ZNF708: variants seen among roughly 807,000 people sequenced by gnomAD.
ZNF708 encodes the protein ZNF15, ZNF15L1.
Under a neutral mutation model 47.0 loss-of-function variants are expected in ZNF708, and 44 were observed. The observed-to-expected ratio is 0.94, with a 90% CI of 0.74 to 1.20. The LOEUF (loss-of-function observed/expected upper bound fraction) is 1.20, where lower values mean the gene tolerates loss of function less well. Among genes scored for constraint, ZNF708 ranks in the 50% most tolerant of loss-of-function variants. The pLI is 0.00. For synonymous variants in ZNF708, 184 were observed against 218.5 expected, an observed-to-expected ratio of 0.84 and a Z score of 1.39; for missense variants, 557 against 656.0, an observed-to-expected ratio of 0.85 and a Z score of 1.65.
At chr19:21,307,932 C>T (rs1972818701) in intron 3 of ZNF708, among the ~76,000 whole-genome samples, 1 of 151,960 alleles carries the variant, frequency 6.6e-6, no homozygotes, top group Admixed American at 6.6e-5. Context: ...AATATAAACT[C>T]AACTTATAAG....
chr19:21,329,139 C>T (rs1973322909), intron 1 of ZNF708, 71 bp downstream of exon 1: 7 of 1,602,182 alleles, frequency 4.4e-6, no homozygotes, highest in Non-Finnish European at 6.0e-6. Flanking sequence ...GTCCTGAGTC[C>T]CGCCACAGCC....
chr19:21,298,651 C>T (rs1972593273), intron 3 of ZNF708, among the ~76,000 whole-genome samples: 2 of 148,516 alleles, frequency 1.3e-5, no homozygotes, highest in Admixed American at 6.8e-5. Context: ...CATGACAAAG[C>T]TACATAATAA....
chr19:21,324,038 G>A (rs1192791133), intron 1 of ZNF708, among the ~76,000 whole-genome samples: 1 of 151,212 alleles, frequency 6.6e-6, no homozygotes, highest in Non-Finnish European at 1.5e-5. Context: ...AGGAGATCAA[G>A]ACCATCCTGG....
rs746186649 is a variant in ZNF708 at position 21,294,026 on chromosome 19, C to T, written c.940G>A (p.Gly314Ser). 7 of 1,613,056 alleles carry T rather than the reference C, an allele frequency of 4.3e-6. No homozygotes were observed. The highest frequency in any genetic ancestry group is 5.9e-6 in the Non-Finnish European group (7 of 1,179,380). Residue 314 changes from glycine to serine, a missense_variant, in exon 4 of 4, where the codon GGC becomes AGC. Transcript: ENST00000356929. ...TGTGAAGATAGGGTAAAGGCTTTGC[C>T]ACATTCTCCACATTTGTAGGGTTTC... is the stretch of plus-strand genomic sequence containing the variant. ...GEKPYKCGEC[G>S]KAFTLSSHLT...
chr19:21,328,822 T>C (rs1010152287), intron 1 of ZNF708, among the ~76,000 whole-genome samples: 1 of 152,180 alleles, frequency 6.6e-6, no homozygotes, highest in Non-Finnish European at 1.5e-5. Context: ...AGATTTTTAA[T>C]AGGAGAAAAT....
chr19:21,309,450 G>T, intron 2 of ZNF708, 109 bp from the exon 3 acceptor site: 1 of 1,077,726 alleles, frequency 9.3e-7, no homozygotes, highest in Admixed American at 2.8e-5. Flanking sequence ...GCTCATCCTG[G>T]TAATCCCAGC....
chr19:21,317,509 T>G (rs1973040607), intron 1 of ZNF708, among the ~76,000 whole-genome samples: 1 of 152,234 alleles, frequency 6.6e-6, no homozygotes, highest in Admixed American at 6.5e-5. Flanking sequence ...TAAAGCTTGG[T>G]TGACACCTTA....
chr19:21,297,233 A>T (rs1200425539), intron 3 of ZNF708, among the ~76,000 whole-genome samples: 2 of 98,826 alleles, frequency 2.0e-5, no homozygotes, highest in Non-Finnish European at 4.1e-5. Flanking sequence ...GAATTTTTGT[A>T]TGCAAATAAG....
intron 3 of ZNF708, among the ~76,000 whole-genome samples, chr19:21,295,622 G>GT (rs1972512893): frequency 6.6e-6 from 1 of 152,112 alleles, no homozygotes; most frequent in Non-Finnish European, 1.5e-5. Context: ...GCACATGCCT[G>GT]TAATCCCAGC....
At chr19:21,296,334 C>T (rs1972525911) in intron 3 of ZNF708, among the ~76,000 whole-genome samples, 1 of 151,908 alleles carries the variant, frequency 6.6e-6, no homozygotes, top group African/African-American at 2.4e-5. Flanking sequence ...AACCCCGTTT[C>T]TACTAAAAAT....
chr19:21,320,884 G>C (rs1484712132), intron 1 of ZNF708, among the ~76,000 whole-genome samples: 1 of 151,994 alleles, frequency 6.6e-6, no homozygotes, highest in East Asian at 1.9e-4. Context: ...GCTCACGCCT[G>C]TAATCCCAGC....
At chr19:21,304,483 T>C (rs574246970) in intron 3 of ZNF708, among the ~76,000 whole-genome samples, 1 of 152,258 alleles carries the variant, frequency 6.6e-6, no homozygotes, top group Non-Finnish European at 1.5e-5. Context: ...TATCACCAAC[T>C]AGGCTTAACA....
At chr19:21,302,722 A>T (rs1050545901) in intron 3 of ZNF708, among the ~76,000 whole-genome samples, 5 of 151,968 alleles carry the variant, frequency 3.3e-5, no homozygotes, top group Admixed American at 2.0e-4. Flanking sequence ...AAAATATATT[A>T]TTTTCATATT....
intron 3 of ZNF708, among the ~76,000 whole-genome samples, chr19:21,301,825 T>G (rs1280475362): frequency 7.7e-6 from 1 of 129,246 alleles, no homozygotes; most frequent in Non-Finnish European, 1.6e-5. Context: ...CTAAGAACTT[T>G]CCAAATGTTG....
At position 21,293,783 on chromosome 19, in the gene ZNF708, C is replaced by T; in HGVS notation, c.1183G>A (p.Glu395Lys). The T allele has an allele frequency of 3.7e-6, 6 of 1,612,632 alleles. No individual in the cohort carries two copies. The highest frequency in any genetic ancestry group is 1.1e-5 in the South Asian group (1 of 91,008). ...IHTGEKPYKC[E>K]ECGKAFTKSS... ...TTGGTAAAGGCTTTACCACATTCTTCACATTTGTAGGGTTTCTCTCCAGTA... is the reference window on the plus strand; with the variant it reads ...TTGGTAAAGGCTTTACCACATTCTTTACATTTGTAGGGTTTCTCTCCAGTA... Residue 395 changes from glutamate to lysine, a missense_variant, in exon 4 of 4, where the codon GAA becomes AAA. By Grantham distance (56) the Glu-to-Lys change is moderately conservative. Coordinates refer to ENST00000356929, the MANE Select transcript of ZNF708 (RefSeq NM_021269.3).
chr19:21,297,979 GTGTGTGTGTGTGTA>G (rs1230728192), intron 3 of ZNF708, among the ~76,000 whole-genome samples: 11 of 151,962 alleles, frequency 7.2e-5, no homozygotes, highest in Non-Finnish European at 1.5e-4. Context: ...GTGTGTGTGT[GTGTGTGTGTGTGTA>G]TGTGTACAGA....
chr19:21,301,220 T>G (rs1303445780), intron 3 of ZNF708, among the ~76,000 whole-genome samples: 3 of 152,108 alleles, frequency 2.0e-5, no homozygotes, highest in Non-Finnish European at 2.9e-5. Flanking sequence ...CTCACCCCTG[T>G]AATCCCAGCA....
At chr19:21,309,926 T>C (rs1568350607) in intron 2 of ZNF708, among the ~76,000 whole-genome samples, 1 of 152,242 alleles carries the variant, frequency 6.6e-6, no homozygotes, top group Non-Finnish European at 1.5e-5. Flanking sequence ...AACAGTATTT[T>C]ATGCCACTAA....
Position 21,294,318 on chromosome 19 carries a change from T to G in ZNF708, c.648A>C (p.Ile216=), listed in dbSNP as rs1392370326. 1.9e-6 allele frequency: 3 copies of G among 1,613,142 alleles called. No homozygotes were observed. The highest frequency in any genetic ancestry group is 2.5e-6 in the Non-Finnish European group (3 of 1,179,784). ...KKSSNLTNHK[I]IHTGEKPYKC... is the part of the protein sequence containing the mutation. ...TGTAGGGTTTCTCTCCAGTATGAAT[T>G]ATCTTATGATTCGTAAGGTTTGAGG... Residue 216 remains isoleucine, a synonymous_variant, in exon 4 of 4, where the codon ATA becomes ATC. Coordinates refer to ENST00000356929, the MANE Select transcript of ZNF708 (RefSeq NM_021269.3).
Sources: gnomAD v4.1 joint callset for allele counts (sites outside exome capture counted in the v4.1 genomes callset) on GRCh38, gnomAD v4.1.1 for gene constraint, MANE v1.5 for transcripts, NCBI Gene and HGNC (gene_info 2026-07-23, HGNC 2026-07-21) for gene names.